PKD1L1: variants seen among roughly 807,000 people sequenced by gnomAD.
The protein encoded by PKD1L1 is polycystin 1 like 1, transient receptor potential channel interacting, also known as polycystin-1-like protein 1.
Under a neutral mutation model 323.4 loss-of-function variants are expected in PKD1L1, and 236 were observed. The ratio of observed to expected loss-of-function variants is 0.73; its 90% CI spans 0.66 to 0.81. The LOEUF is 0.81. Ranked by LOEUF, PKD1L1 falls within the 40% of genes least tolerant of loss-of-function variation. The pLI is 0.00. For synonymous variants in PKD1L1, 1,344 were observed against 1,335.0 expected, an observed-to-expected ratio of 1.01 and a Z score of -0.15; for missense variants, 3,320 against 3,508.0, an observed-to-expected ratio of 0.95 and a Z score of 1.35.
At chr7:47,806,180 T>C (rs777439662) in intron 52 of PKD1L1, among the ~76,000 whole-genome samples, 26 of 152,202 alleles carry the variant, frequency 1.7e-4, no homozygotes, top group Non-Finnish European at 3.2e-4. Flanking sequence ...AGATTCATGT[T>C]TGCCCTAGTC....
intron 41 of PKD1L1, 95 bp from the exon 42 acceptor site, chr7:47,831,447 C>G: frequency 6.8e-7 from 1 of 1,481,104 alleles, no homozygotes; most frequent in Non-Finnish European, 9.1e-7. Flanking sequence ...GTCAACTAGG[C>G]TGGGTCGTAG....
intron 24 of PKD1L1, among the ~76,000 whole-genome samples, chr7:47,873,456 G>A (rs1786327002): frequency 6.6e-6 from 1 of 151,958 alleles, no homozygotes; most frequent in Non-Finnish European, 1.5e-5. Context: ...AGACCAGCCT[G>A]ACCAACATGG....
At chr7:47,931,697 G>A (rs555473788) in intron 5 of PKD1L1, among the ~76,000 whole-genome samples, 4 of 152,354 alleles carry the variant, frequency 2.6e-5, no homozygotes, top group East Asian at 1.9e-4. Context: ...GGGAGATGGC[G>A]CTCTTACAGA....
At chr7:47,908,448 G>C (rs1787254867) in intron 8 of PKD1L1, among the ~76,000 whole-genome samples, 198 bp from the exon 9 acceptor site, 1 of 152,210 alleles carries the variant, frequency 6.6e-6, no homozygotes, top group African/African-American at 2.4e-5. Flanking sequence ...TCACGCAATG[G>C]AGCTATGTGA....
intron 39 of PKD1L1, 56 bp from the exon 40 acceptor site, chr7:47,834,441 C>T: frequency 7.0e-7 from 1 of 1,435,852 alleles, no homozygotes; most frequent in Non-Finnish European, 9.8e-7. Flanking sequence ...TACATTTAAA[C>T]AGGGATATGT....
In PKD1L1 at chr7:47,859,678, G is replaced by A. The variant is rs555404907; in HGVS notation, c.4150-793C>T. Among the ~76,000 whole-genome samples the A allele has an allele frequency of 1.1e-3, 165 of 150,118 alleles. 1 individual carries two copies. Among genetic ancestry groups the A allele is most frequent in the Non-Finnish European group, 1.8e-3 (120 of 67,770 alleles). On this transcript the variant is annotated intron_variant, in intron 26 of 56. Transcript: ENST00000289672. ...GTTTGACTCTATCGCCCAGGCTGGA[G>A]TGCAGTGGCACAATCTTGGCTCACT...
At chr7:47,941,196 C>G (rs558148198) in intron 2 of PKD1L1, among the ~76,000 whole-genome samples, 1 of 152,298 alleles carries the variant, frequency 6.6e-6, no homozygotes, top group East Asian at 1.9e-4. Context: ...ACTGGAGCAC[C>G]CTGCTGCTTT....
rs572143084 is a variant in PKD1L1, at chr7:47,779,425, T to C, written c.8527-4259A>G. On this transcript the variant is annotated intron_variant, in intron 56 of 56. Transcript: ENST00000289672. ...ATGGTGTGTTTTGAGGAGCAAGTTG[T>C]CAGCCAACTCAATGATACCACCAGT... is the stretch of plus-strand genomic sequence containing the variant. Among the ~76,000 whole-genome samples, 3 of 152,356 alleles carry C rather than the reference T, an allele frequency of 2.0e-5. 1 individual carries two copies. The South Asian group carries it at 6.2e-4, about 32-fold the overall frequency.
the PKD1L1 span, among the ~76,000 whole-genome samples, chr7:47,960,397 G>GAAAAA: frequency 6.9e-5 from 4 of 58,340 alleles, no homozygotes; most frequent in Non-Finnish European, 1.2e-4. Flanking sequence ...AAAAAAAACT[G>GAAAAA]TAAAAAAGAA....
chr7:47,933,533 C>T (rs1787811626), intron 4 of PKD1L1, among the ~76,000 whole-genome samples: 1 of 152,160 alleles, frequency 6.6e-6, no homozygotes, highest in Admixed American at 6.5e-5. Flanking sequence ...AACCTCAAAT[C>T]CAACGCAACG....
intron 9 of PKD1L1, among the ~76,000 whole-genome samples, chr7:47,906,285 T>C (rs1787205109): frequency 6.6e-6 from 1 of 152,212 alleles, no homozygotes; most frequent in Non-Finnish European, 1.5e-5. Flanking sequence ...ATATGTACAC[T>C]AAGTAGTCTT....
Position 47,847,064 on chromosome 7 carries a change from A to C in PKD1L1, c.4968T>G (p.Ser1656Arg), listed in dbSNP as rs539012000. Reference sequence around the variant, plus strand: ...CATCCAATAAGGATAAATAGCCTACACTGGCATCTAAAAAGAGAAAACATA... The same window carrying C: ...CATCCAATAAGGATAAATAGCCTACCCTGGCATCTAAAAAGAGAAAACATA... ...YIPAASQKDA[S>R]VGYLSLLDAD... The change falls in exon 32 of 57, where the codon AGT becomes AGG. Residue 1656 changes from serine to arginine, a missense_variant. Transcript: ENST00000289672. 1.9e-6 allele frequency: 3 copies of C among 1,572,248 alleles called. No homozygotes were observed. In the African/African-American group the frequency reaches 4.1e-5, roughly 22 times the overall value.
At chr7:47,880,247 G>GATATAT (rs1270124549) in intron 21 of PKD1L1, among the ~76,000 whole-genome samples, 39 of 98,268 alleles carry the variant, frequency 4.0e-4, no homozygotes, top group Non-Finnish European at 4.9e-4. Context: ...GCATAAATAA[G>GATATAT]ATATATATAT....
rs559455109 is a variant in PKD1L1 at position 47,929,692 on chromosome 7, A to G, written c.738-166T>C. 3.3e-5 allele frequency among the ~76,000 whole-genome samples: 5 copies of G among 152,318 alleles called. No individual in the cohort carries two copies. In the East Asian group the frequency reaches 9.7e-4, roughly 29 times the overall value. On this transcript the variant is annotated intron_variant, in intron 6 of 56. Transcript: ENST00000289672. ...GTTCTCAGAGTGGGGTCCCAGGGCCAGCAGCATCAGCATCACCTGGGCGCT... is the reference window on the plus strand; with the variant it reads ...GTTCTCAGAGTGGGGTCCCAGGGCCGGCAGCATCAGCATCACCTGGGCGCT...
chr7:47,918,657 G>T (rs1412338791), intron 7 of PKD1L1, among the ~76,000 whole-genome samples: 4 of 152,020 alleles, frequency 2.6e-5, no homozygotes, highest in African/African-American at 9.7e-5. Flanking sequence ...AATCAAAATT[G>T]TATCAAGCAC....
In PKD1L1 at chr7:47,858,792, C is replaced by G. The variant is rs754448235; in HGVS notation, c.4243G>C (p.Val1415Leu). 2.7e-5 allele frequency: 43 copies of G among 1,614,222 alleles called. No homozygotes were observed. The highest frequency in any genetic ancestry group is 3.4e-5 in the Non-Finnish European group (40 of 1,180,036). Residue 1415 changes from valine to leucine, a missense_variant, in exon 27 of 57, where the codon GTG becomes CTG. Transcript: ENST00000289672. ...FSGPFVIDKG[V>L]RLELIGLISR... Reference sequence around the variant, plus strand: ...ATGAGACCGATGAGCTCAAGCCTCACTCCTTTGTCAATCACAAATGGCCCC... The same window carrying G: ...ATGAGACCGATGAGCTCAAGCCTCAGTCCTTTGTCAATCACAAATGGCCCC...
intron 1 of PKD1L1, among the ~76,000 whole-genome samples, chr7:47,947,067 A>T (rs1350458553): frequency 1.3e-5 from 2 of 152,232 alleles, no homozygotes; most frequent in Admixed American, 6.5e-5. Flanking sequence ...TAAAAGAAAC[A>T]TGAGGTAACC....
intron 7 of PKD1L1, among the ~76,000 whole-genome samples, chr7:47,918,654 A>G (rs1787477366): frequency 6.6e-6 from 1 of 152,182 alleles, no homozygotes; most frequent in Non-Finnish European, 1.5e-5. Flanking sequence ...GAAAATCAAA[A>G]TTGTATCAAG....
At chr7:47,924,380 C>T (rs1787617239) in intron 7 of PKD1L1, among the ~76,000 whole-genome samples, 1 of 152,106 alleles carries the variant, frequency 6.6e-6, no homozygotes, top group Non-Finnish European at 1.5e-5. Context: ...TAGATGGTGT[C>T]TCTTGGTCTA....
Sources: gnomAD v4.1 joint callset for allele counts (sites outside exome capture counted in the v4.1 genomes callset) on GRCh38, gnomAD v4.1.1 for gene constraint, MANE v1.5 for transcripts, NCBI Gene and HGNC (gene_info 2026-07-23, HGNC 2026-07-21) for gene names.